MLC1: variants seen among roughly 807,000 people sequenced by gnomAD.
The protein encoded by MLC1 is membrane protein MLC1.
In MLC1, 32 loss-of-function variants were observed where a neutral mutation model predicts 44.7. The observed-to-expected ratio is 0.72, with a 90% CI of 0.54 to 0.96. MLC1 has a LOEUF of 0.96. Ranked by LOEUF, MLC1 falls within the 40% of genes least tolerant of loss-of-function variation. MLC1 has a pLI of 0.00. For missense variants in MLC1, 459 were observed against 492.2 expected (o/e 0.93, Z 0.64); for synonymous variants, 190 against 213.0 (o/e 0.89, Z 0.94).
At position 50,083,254 on chromosome 22, in the gene MLC1, T is replaced by G; in HGVS notation, c.178-81A>C. The G allele has an allele frequency of 2.3e-6, 3 of 1,286,044 alleles. No individual in the cohort carries two copies. The highest frequency in any genetic ancestry group is 4.7e-5 in the East Asian group (2 of 42,536). 79.7% of individuals were successfully genotyped at this position (1,286,044 alleles called of 1,614,324 possible). ...CCTGACCCTTCAACTTCTGCTTCAC[T>G]GTCTGTGTATTGGTGACTCACCCAC... On this transcript the variant is annotated intron_variant, in intron 2 of 11. Coordinates refer to ENST00000311597, the MANE Select transcript of MLC1 (RefSeq NM_015166.4). The surrounding 1 kb of genome is among the most constrained non-coding windows in gnomAD (Gnocchi z 4.6).
chr22:50,063,124 A>G (rs1186799599), intron 11 of MLC1, among the ~76,000 whole-genome samples: 1 of 152,196 alleles, frequency 6.6e-6, no homozygotes, highest in Non-Finnish European at 1.5e-5. Flanking sequence ...CATTAAGTCC[A>G]GAATATTTCC....
chr22:50,059,567 G>C lies in MLC1; in HGVS notation c.*2016C>G, dbSNP rs2061522678. 1 of 152,298 alleles carries C rather than the reference G, an allele frequency of 6.6e-6. No homozygotes were observed. Among genetic ancestry groups the C allele is most frequent in the Non-Finnish European group, 1.5e-5 (1 of 68,032 alleles). The allele number at this position is 152,298 out of a possible 1,614,324, so 9.4% of individuals were successfully genotyped here. Reference sequence around the variant, plus strand: ...GCCTAATTCTGACTCTGAAACTTGAGCTCTCTGGTCTGCCCCCAAGAAGAC... The same window carrying C: ...GCCTAATTCTGACTCTGAAACTTGACCTCTCTGGTCTGCCCCCAAGAAGAC... On this transcript the variant is annotated 3_prime_UTR_variant, in exon 12 of 12. Transcript: ENST00000311597.
chr22:50,071,058 T>C (rs2061839543), intron 8 of MLC1, among the ~76,000 whole-genome samples: 1 of 152,056 alleles, frequency 6.6e-6, no homozygotes, highest in South Asian at 2.1e-4. Context: ...ATTCTTCCAG[T>C]TGTCCTCATC....
chr22:50,062,695 C>T (rs1368110683), intron 11 of MLC1, among the ~76,000 whole-genome samples: 1 of 152,346 alleles, frequency 6.6e-6, no homozygotes, highest in African/African-American at 2.4e-5. Context: ...GAGCAGCGGC[C>T]GGTCCGCCCA....
intron 7 of MLC1, among the ~76,000 whole-genome samples, chr22:50,075,151 G>A (rs1347805556): frequency 6.7e-6 from 1 of 149,218 alleles, no homozygotes; most frequent in Non-Finnish European, 1.5e-5. Context: ...AACCAGCACC[G>A]CCAGACTCAG....
intron 5 of MLC1, 96 bp from the exon 6 acceptor site, chr22:50,077,598 G>A: frequency 1.0e-6 from 1 of 1,000,940 alleles, no homozygotes; most frequent in Non-Finnish European, 1.5e-6. Context: ...AGGCTGCGCA[G>A]GACTCTCAGC....
At chr22:50,062,955 G>T (rs1319367486) in intron 11 of MLC1, among the ~76,000 whole-genome samples, 2 of 152,198 alleles carry the variant, frequency 1.3e-5, no homozygotes, top group Non-Finnish European at 2.9e-5. Context: ...GCCAGAAGTT[G>T]TTGACACCCC....
In MLC1 at chr22:50,064,198, G is replaced by A. The variant is rs751905253; in HGVS notation, c.895C>T (p.Pro299Ser). 6 of 1,593,238 alleles carry A rather than the reference G, an allele frequency of 3.8e-6. 1 individual carries two copies. Among genetic ancestry groups the A allele is most frequent in the African/African-American group, 1.3e-5 (1 of 74,828 alleles). ...MFKDYPPAIK[P>S]SYDVLLLLLL... ...AGCAGCAGCAGCACATCGTAGGATG[G>A]CTGCAGGCGGAAGGAGGTGTGAGCA... The change falls in exon 11 of 12, where the codon CCA becomes TCA. Residue 299 changes from proline to serine, a missense_variant and splice_region_variant. Physicochemically the swap from Pro to Ser is moderately conservative, Grantham distance 74. Coordinates refer to ENST00000311597, the MANE Select transcript of MLC1 (RefSeq NM_015166.4).
intron 5 of MLC1, among the ~76,000 whole-genome samples, chr22:50,079,012 G>A (rs529269596): frequency 7.0e-4 from 107 of 151,832 alleles, no homozygotes; most frequent in South Asian, 1.7e-3. Context: ...GGCCGGGCGC[G>A]GTGGCTCATA....
At position 50,061,039 on chromosome 22, in the gene MLC1, T is replaced by C; in HGVS notation, c.*544A>G. ...CCAGGACAGAGGCGCCCAGCCCTGC[T>C]CTCACTGTCCAGGAAGAGCCGCTGG... On this transcript the variant is annotated 3_prime_UTR_variant, in exon 12 of 12. Transcript: ENST00000311597. 5.9e-6 allele frequency: 1 copy of C among 169,346 alleles called. No homozygotes were observed. The highest frequency in any genetic ancestry group is 1.3e-5 in the Non-Finnish European group (1 of 76,814). 10.5% of individuals were successfully genotyped at this position (169,346 alleles called of 1,614,324 possible).
At chr22:50,080,228 C>T in intron 4 of MLC1, 116 bp downstream of exon 4, 1 of 1,362,730 alleles carries the variant, frequency 7.3e-7, no homozygotes, top group Non-Finnish European at 1.0e-6. Flanking sequence ...CCTCGGGGGC[C>T]CCTCTCGGTG....
rs760751838 is a variant in MLC1 at position 50,083,879 on chromosome 22, C to T, written c.178-706G>A. Among the ~76,000 whole-genome samples, 7 of 152,078 alleles carry T rather than the reference C, an allele frequency of 4.6e-5. No homozygotes were observed. Among genetic ancestry groups the T allele is most frequent in the Non-Finnish European group, 1.0e-4 (7 of 68,000 alleles). On this transcript the variant is annotated intron_variant, in intron 2 of 11. Coordinates refer to ENST00000311597, the MANE Select transcript of MLC1 (RefSeq NM_015166.4). The surrounding 1 kb of genome is among the most constrained non-coding windows in gnomAD (Gnocchi z 4.6). ...GGAGGGGCTGCGACCAAGTCCAGGG[C>T]ACCAGGTGGAGGAGGGCAGAGCCCG... is the stretch of plus-strand genomic sequence containing the variant.
chr22:50,081,009 A>AAAAGAAAGAAGGAAAGAAAGAAAGAAAG (rs2062111010), intron 3 of MLC1, among the ~76,000 whole-genome samples: 2 of 96,740 alleles, frequency 2.1e-5, no homozygotes, highest in Non-Finnish European at 4.0e-5. Flanking sequence ...TTGTCTCAAA[A>AAAAGAAAGAAGGAAAGAAAGAAAGAAAG]AAAGAAAGAA....
At position 50,084,966 on chromosome 22, in the gene MLC1, A is replaced by C. The variant is rs1437584950; in HGVS notation, c.-59-5T>G. 12 of 1,595,474 alleles carry C rather than the reference A, an allele frequency of 7.5e-6. No homozygotes were observed. Among genetic ancestry groups the C allele is most frequent in the Non-Finnish European group, 1.0e-5 (12 of 1,176,598 alleles). On this transcript the variant is annotated splice_polypyrimidine_tract_variant and splice_region_variant and intron_variant, in intron 1 of 11. Coordinates refer to ENST00000311597, the MANE Select transcript of MLC1 (RefSeq NM_015166.4). ...CACGTGTCACCAGTTCTTTATCTGG[A>C]ATAAAATTATCATCGGCTTTGGCCA... is the stretch of plus-strand genomic sequence containing the variant.
At chr22:50,085,175 T>C in intron 1 of MLC1, 180 bp downstream of exon 1, 1 of 1,329,874 alleles carries the variant, frequency 7.5e-7, no homozygotes, top group Non-Finnish European at 9.7e-7. Flanking sequence ...TTCTACACTT[T>C]AAATGCCTCA....
intron 9 of MLC1, among the ~76,000 whole-genome samples, chr22:50,070,219 C>T (rs1310598443): frequency 6.6e-6 from 1 of 151,902 alleles, no homozygotes; most frequent in Non-Finnish European, 1.5e-5. Context: ...GAAAAAAAAA[C>T]AATCGACCAG....
chr22:50,079,283 C>CAAAAA (rs1284846395), intron 5 of MLC1, among the ~76,000 whole-genome samples: 2 of 147,068 alleles, frequency 1.4e-5, no homozygotes, highest in African/African-American at 4.9e-5. Flanking sequence ...GATTCCTTCT[C>CAAAAA]AAAAACAAAA....
intron 8 of MLC1, among the ~76,000 whole-genome samples, chr22:50,073,657 C>T (rs568140074): frequency 3.0e-4 from 46 of 152,068 alleles, no homozygotes; most frequent in African/African-American, 1.1e-3. Context: ...TACTTGAACC[C>T]GGGGAGGGGC....
chr22:50,079,093 G>A (rs968521440), intron 5 of MLC1, among the ~76,000 whole-genome samples: 72 of 152,074 alleles, frequency 4.7e-4, no homozygotes, highest in Non-Finnish European at 6.6e-4. Flanking sequence ...AGGCCAGCCT[G>A]GCCAACATGG....
Sources: allele counts gnomAD v4.1 joint callset (sites outside exome capture counted in the v4.1 genomes callset), GRCh38; gene constraint gnomAD v4.1.1; non-coding constraint Gnocchi (gnomAD v3.1); transcripts MANE v1.5; gene names NCBI Gene and HGNC (gene_info 2026-07-23, HGNC 2026-07-21).